Variants in ZC3H15 observed in about 807,000 individuals in gnomAD.
The protein encoded by ZC3H15 is zinc finger CCCH domain-containing protein 15.
ZC3H15 carries 15 observed loss-of-function variants against 51.2 expected under a neutral mutation model. That is an observed-to-expected ratio of 0.29 (90% CI 0.20 to 0.45). ZC3H15 has a LOEUF of 0.45. Ranked by LOEUF, ZC3H15 falls within the 20% of genes least tolerant of loss-of-function variation. ZC3H15 has a pLI of 1.00. For synonymous variants in ZC3H15, 144 were observed against 162.8 expected (o/e 0.88, Z 0.88); for missense variants, 381 against 494.7 (o/e 0.77, Z 2.18).
At chr2:186,499,520 A>G (rs1206788183) in intron 2 of ZC3H15, 7 of 451,508 alleles carry the variant, frequency 1.6e-5, no homozygotes, top group African/African-American at 2.0e-5. Context: ...ACTATGTACT[A>G]TGTTACAGTT....
At chr2:186,500,421 A>C in intron 3 of ZC3H15, 128 bp downstream of exon 3, 1 of 814,048 alleles carries the variant, frequency 1.2e-6, no homozygotes, top group Non-Finnish European at 2.0e-6. Context: ...TACTCCATCA[A>C]AATTACCTAT....
At position 186,500,244 on chromosome 2, in the gene ZC3H15, G is replaced by A. The variant is rs762776030; in HGVS notation, c.240G>A (p.Glu80=). 25 of 1,613,452 alleles carry A rather than the reference G, an allele frequency of 1.5e-5. No individual in the cohort carries two copies. Among genetic ancestry groups the A allele is most frequent in the Non-Finnish European group, 2.1e-5 (25 of 1,179,824 alleles). The change falls in exon 3 of 10, where the codon GAG becomes GAA. Residue 80 remains glutamate (E), a synonymous_variant. Coordinates refer to ENST00000337859, the MANE Select transcript of ZC3H15 (RefSeq NM_018471.3). ...ATGACAAGAAGAAAGAATTGCAGGA[G>A]CTAAATGAGCTGTTCAAACCTGTAG... ...KKDDKKKELQ[E]LNELFKPVVA... is the part of the protein sequence containing the mutation.
At chr2:186,490,102 C>T (rs1205920723) in intron 1 of ZC3H15, among the ~76,000 whole-genome samples, 1 of 151,924 alleles carries the variant, frequency 6.6e-6, no homozygotes, top group Non-Finnish European at 1.5e-5. Context: ...TTAATATTGC[C>T]TCCATTTTTT....
At chr2:186,486,506 C>G in intron 1 of ZC3H15, 49 bp downstream of exon 1, 1 of 1,506,652 alleles carries the variant, frequency 6.6e-7, no homozygotes, top group Non-Finnish European at 8.9e-7. Context: ...TCCGGAAAGC[C>G]ACTTCCCCGC....
chr2:186,504,548 T>TA (rs904635599), intron 6 of ZC3H15, among the ~76,000 whole-genome samples: 62 of 152,220 alleles, frequency 4.1e-4, no homozygotes, highest in Non-Finnish European at 1.0e-4. Flanking sequence ...TTCGCCCTGA[T>TA]ATCTTTTTTC....
chr2:186,495,354 A>T lies in ZC3H15; in HGVS notation c.177+20A>T, dbSNP rs747213469. On this transcript the variant is annotated intron_variant, in intron 2 of 9. Transcript: ENST00000337859. ...CGTCAGGTAAGTAATTTAAATGTCC[A>T]TATCTTTTTATAAATGTAATATTAA... 3 of 1,328,836 alleles carry T rather than the reference A, an allele frequency of 2.3e-6. No individual in the cohort carries two copies. The highest frequency in any genetic ancestry group is 3.4e-5 in the South Asian group (2 of 58,412). The allele number at this position is 1,328,836 out of a possible 1,614,324, so 82.3% of individuals were successfully genotyped here. A position where few individuals can be genotyped will look rare whatever the true frequency, so the allele number is the denominator to read the frequency against.
intron 2 of ZC3H15, among the ~76,000 whole-genome samples, chr2:186,497,956 C>T (rs1000516414): frequency 4.6e-5 from 7 of 152,168 alleles, no homozygotes; most frequent in African/African-American, 1.7e-4. Context: ...CCCTGCGATA[C>T]ATGTGTCTTC....
intron 4 of ZC3H15, 62 bp downstream of exon 4, chr2:186,501,487 G>A: frequency 7.4e-7 from 1 of 1,356,554 alleles, no homozygotes; most frequent in Non-Finnish European, 1.0e-6. Context: ...TTGCTACTAA[G>A]ATATTTATTA....
At chr2:186,500,447 A>G (rs936941612) in intron 3 of ZC3H15, among the ~76,000 whole-genome samples, 154 bp downstream of exon 3, 1 of 152,222 alleles carries the variant, frequency 6.6e-6, no homozygotes, top group Non-Finnish European at 1.5e-5. Flanking sequence ...TGGGTTGCTT[A>G]TGATTCCTCT....
At chr2:186,508,177 C>T (rs190814691) in intron 9 of ZC3H15, among the ~76,000 whole-genome samples, 314 of 152,150 alleles carry the variant, frequency 2.1e-3, no homozygotes, top group African/African-American at 7.3e-3. Flanking sequence ...ATATTACAAA[C>T]ATTTTTTTGG....
At chr2:186,487,360 G>A (rs1685115777) in intron 1 of ZC3H15, 1 of 152,040 alleles carries the variant, frequency 6.6e-6, no homozygotes, top group African/African-American at 2.4e-5. Flanking sequence ...ACCCCAACGA[G>A]GTATTTCTTC....
chr2:186,495,409 G>C (rs1685266488), intron 2 of ZC3H15, 75 bp downstream of exon 2: 1 of 912,234 alleles, frequency 1.1e-6, no homozygotes, highest in Non-Finnish European at 1.5e-6. Flanking sequence ...AAAATGTCTG[G>C]TATTATTATA....
At chr2:186,506,941 C>A in intron 9 of ZC3H15, 105 bp downstream of exon 9, 1 of 1,237,752 alleles carries the variant, frequency 8.1e-7, no homozygotes, top group Non-Finnish European at 1.1e-6. Flanking sequence ...AGATTGGTAA[C>A]ATAAATGTGT....
At position 186,509,009 on chromosome 2, in the gene ZC3H15, T is replaced by C; in HGVS notation, c.*276T>C. 1 of 541,778 alleles carries C rather than the reference T, an allele frequency of 1.8e-6. No homozygotes were observed. Among genetic ancestry groups the C allele is most frequent in the Non-Finnish European group, 3.5e-6 (1 of 283,788 alleles). 33.6% of individuals were successfully genotyped at this position (541,778 alleles called of 1,614,324 possible). A position where few individuals can be genotyped will look rare whatever the true frequency, so the allele number is the denominator to read the frequency against. The stretch of plus-strand genomic sequence containing the variant: ...TAACTGTCCACCCAAGTAAGAAGTG[T>C]ATCTGCCTTTCCATCTTTTGGTTTT... On this transcript the variant is annotated 3_prime_UTR_variant, in exon 10 of 10. Transcript: ENST00000337859.
At position 186,509,041 on chromosome 2, in the gene ZC3H15, G is replaced by C; in HGVS notation, c.*308G>C. The C allele has an allele frequency of 4.0e-6, 2 of 500,708 alleles. No individual in the cohort carries two copies. The highest frequency in any genetic ancestry group is 5.5e-5 in the East Asian group (1 of 18,032). The allele number at this position is 500,708 out of a possible 1,614,324, so 31.0% of individuals were successfully genotyped here. On this transcript the variant is annotated 3_prime_UTR_variant, in exon 10 of 10. Transcript: ENST00000337859. ...CTTTCCATCTTTTGGTTTTCATTTG[G>C]GCATGTGCTATTACCAGAAACAACA...
intron 1 of ZC3H15, among the ~76,000 whole-genome samples, chr2:186,493,717 A>G (rs1170730336): frequency 6.6e-6 from 1 of 151,880 alleles, no homozygotes; most frequent in Admixed American, 6.6e-5. Flanking sequence ...GTAGGGAAGA[A>G]TTCTTCCTTG....
At chr2:186,505,915 A>G in intron 8 of ZC3H15, 74 bp downstream of exon 8, 1 of 1,481,920 alleles carries the variant, frequency 6.7e-7, no homozygotes, top group Non-Finnish European at 9.3e-7. Context: ...AACATGGTTA[A>G]GAGCCACCAA....
At chr2:186,503,916 G>T in intron 5 of ZC3H15, 116 bp from the exon 6 acceptor site, 1 of 771,708 alleles carries the variant, frequency 1.3e-6, no homozygotes, top group Non-Finnish European at 1.9e-6. Flanking sequence ...GAAATGAATA[G>T]AATGTACTTG....
intron 1 of ZC3H15, 155 bp from the exon 2 acceptor site, chr2:186,495,075 TAAG>T (rs1044986609): frequency 5.5e-5 from 23 of 418,906 alleles, no homozygotes; most frequent in Non-Finnish European, 9.0e-5. Flanking sequence ...GGTGATGATT[TAAG>T]GTCATATATT....
Sources: gnomAD v4.1 joint callset for allele counts (sites outside exome capture counted in the v4.1 genomes callset) on GRCh38, gnomAD v4.1.1 for gene constraint, MANE v1.5 for transcripts, NCBI Gene and HGNC (gene_info 2026-07-23, HGNC 2026-07-21) for gene names.